HPS3: variants seen among roughly 807,000 people sequenced by gnomAD.
HPS3 encodes the protein HPS3 biogenesis of lysosomal organelles complex 2 subunit 1, also known as BLOC-2 complex member HPS3.
A neutral mutation model predicts 110.9 loss-of-function variants in HPS3; 79 were observed. The observed-to-expected ratio is 0.71, with a 90% CI of 0.59 to 0.86. The LOEUF (loss-of-function observed/expected upper bound fraction) is 0.86. Among genes scored for constraint, HPS3 ranks in the 40% least tolerant of loss-of-function variants. The pLI is 0.00. For missense variants in HPS3, 1,197 were observed against 1,206.2 expected (o/e 0.99, Z 0.11); for synonymous variants, 428 against 451.0 (o/e 0.95, Z 0.65).
intron 7 of HPS3, among the ~76,000 whole-genome samples, chr3:149,154,531 T>C (rs1723319636): frequency 6.6e-6 from 1 of 152,218 alleles, no homozygotes; most frequent in East Asian, 1.9e-4. Flanking sequence ...ATTCTAATAG[T>C]ATAATTTTTT....
At position 149,147,954 on chromosome 3, in the gene HPS3, T is replaced by C. The variant is rs1722875022; in HGVS notation, c.1163+2408T>C. Among the ~76,000 whole-genome samples, 3 of 152,158 alleles carry C rather than the reference T, an allele frequency of 2.0e-5. No homozygotes were observed. In the South Asian group the frequency reaches 6.2e-4, roughly 32 times the overall value. Reference sequence around the variant, plus strand: ...GGCGCGGTCTCAGCTCACTGCAACCTCTGCCTCCCGGGTTTAAGCAATTCT... The same window carrying C: ...GGCGCGGTCTCAGCTCACTGCAACCCCTGCCTCCCGGGTTTAAGCAATTCT... On this transcript the variant is annotated intron_variant, in intron 5 of 16. Transcript: ENST00000296051.
rs747197669 is a variant in HPS3, at chr3:149,162,291, G to C, written c.2250G>C (p.Lys750Asn). Reference sequence around the variant, plus strand: ...TGGCTTCAGTTCTGGGCTTGCAGAAGAACAACAAAATTGGAATTGAAGAAG... The same window carrying C: ...TGGCTTCAGTTCTGGGCTTGCAGAACAACAACAAAATTGGAATTGAAGAAG... ...LLVASVLGLQKNNKIGIEEAD... is the reference protein window; with the variant it reads ...LLVASVLGLQNNNKIGIEEAD... Residue 750 changes from lysine to asparagine, a missense_variant, in exon 12 of 17, where the codon AAG becomes AAC. Transcript: ENST00000296051. 13 of 1,613,842 alleles carry C rather than the reference G, an allele frequency of 8.1e-6. No homozygotes were observed. In the South Asian group the frequency reaches 1.2e-4, roughly 15 times the overall value.
At chr3:149,170,974 C>A (rs554951896) in intron 16 of HPS3, among the ~76,000 whole-genome samples, 118 of 152,070 alleles carry the variant, frequency 7.8e-4, no homozygotes, top group Non-Finnish European at 1.4e-3. Context: ...TGTTACATTC[C>A]TTAATATTTA....
chr3:149,156,429 G>A (rs958729331), intron 8 of HPS3, among the ~76,000 whole-genome samples: 5 of 152,144 alleles, frequency 3.3e-5, no homozygotes, highest in Non-Finnish European at 2.9e-5. Context: ...ATCAGGTAGT[G>A]TGTTTAACTA....
chr3:149,142,503 T>G (rs1722534743), intron 4 of HPS3, among the ~76,000 whole-genome samples: 1 of 152,224 alleles, frequency 6.6e-6, no homozygotes, highest in Non-Finnish European at 1.5e-5. Flanking sequence ...TGGGCATTAG[T>G]ATTTTTTAAA....
At chr3:149,152,045 G>A (rs13094132) in intron 6 of HPS3, among the ~76,000 whole-genome samples, 3,390 of 152,188 alleles carry the variant, frequency 0.022, 55 homozygotes, top group South Asian at 0.036. Flanking sequence ...GCCTGCCTGT[G>A]GTTTTCTGTT....
intron 11 of HPS3, 60 bp from the exon 12 acceptor site, chr3:149,162,088 T>A (rs1299469054): frequency 7.3e-7 from 1 of 1,378,280 alleles, no homozygotes; most frequent in Non-Finnish European, 1.0e-6. Context: ...TTAGTATTTC[T>A]AAAATGGACA....
intron 6 of HPS3, among the ~76,000 whole-genome samples, chr3:149,152,234 T>C (rs1723171598): frequency 6.6e-6 from 1 of 152,244 alleles, no homozygotes; most frequent in South Asian, 2.1e-4. Context: ...TTCCATTCTT[T>C]GTCCTCTTCT....
At position 149,158,839 on chromosome 3, in the gene HPS3, TAAATG is replaced by T. The variant is rs749632423; in HGVS notation, c.1868_1872del (p.Asn623ArgfsTer14). 6.4e-7 allele frequency: 1 copy of T among 1,570,006 alleles called. No homozygotes were observed. The highest frequency in any genetic ancestry group is 2.2e-5 in the East Asian group (1 of 44,672). The stretch of plus-strand genomic sequence containing the variant: ...CTTTATGAAAACCTGGATGAAGAAT[TAAATG>T]AAGTGATTATAGTTTTCTGTTTTCT... On this transcript the variant is annotated frameshift_variant and splice_region_variant, in exon 10 of 17. Transcript: ENST00000296051. LOFTEE classifies it high-confidence loss of function.
At chr3:149,169,038 CGT>C (rs34076994) in intron 16 of HPS3, among the ~76,000 whole-genome samples, 19 of 149,468 alleles carry the variant, frequency 1.3e-4, no homozygotes, top group East Asian at 2.0e-4. Flanking sequence ...TGTGTGCATA[CGT>C]GTGTGTGTGT....
At chr3:149,138,125 A>G (rs774714374) in intron 1 of HPS3, among the ~76,000 whole-genome samples, 62 of 152,260 alleles carry the variant, frequency 4.1e-4, no homozygotes, top group Middle Eastern at 3.4e-3. Flanking sequence ...TAGGCATTCT[A>G]CGATCTCCAG....
rs1352607200 is a variant in HPS3, at chr3:149,173,439, A to G, written c.*1217A>G. On this transcript the variant is annotated 3_prime_UTR_variant, in exon 17 of 17. Transcript: ENST00000296051. Reference sequence around the variant, plus strand: ...TAGATCTTTTTTTAAATGCAGTTTTATAAAACCCTAACAGCGGTGATATCA... The same window carrying G: ...TAGATCTTTTTTTAAATGCAGTTTTGTAAAACCCTAACAGCGGTGATATCA... 4.0e-6 allele frequency: 1 copy of G among 251,562 alleles called. No homozygotes were observed. The highest frequency in any genetic ancestry group is 8.0e-5 in the East Asian group (1 of 12,516). The allele number at this position is 251,562 out of a possible 1,614,324, so 15.6% of individuals were successfully genotyped here.
chr3:149,168,048 T>C (rs965920990), intron 16 of HPS3, 65 bp downstream of exon 16: 24 of 953,706 alleles, frequency 2.5e-5, no homozygotes, highest in Non-Finnish European at 4.1e-5. Flanking sequence ...GGTGAAGCCT[T>C]CTTAAGTATT....
Position 149,129,662 on chromosome 3 carries a change from A to G in HPS3, c.-62A>G. On this transcript the variant is annotated 5_prime_UTR_variant, in exon 1 of 17. Transcript: ENST00000296051. The stretch of plus-strand genomic sequence containing the variant: ...CGGAAGTAGTCCTACATTCGCGGTC[A>G]GCGCGGGGTCTCCGGGCGCCCTGCA... 6 of 1,304,860 alleles carry G rather than the reference A, an allele frequency of 4.6e-6. No individual in the cohort carries two copies. The highest frequency in any genetic ancestry group is 6.1e-6 in the Non-Finnish European group (6 of 980,158). The allele number at this position is 1,304,860 out of a possible 1,614,324, so 80.8% of individuals were successfully genotyped here.
At chr3:149,140,591 G>T (rs1020447828) in intron 2 of HPS3, 93 bp downstream of exon 2, 14 of 1,335,238 alleles carry the variant, frequency 1.0e-5, no homozygotes, top group Middle Eastern at 1.8e-4. Flanking sequence ...TATGGTGCCC[G>T]GCCATGTTAT....
At chr3:149,163,267 G>A (rs1310887101) in intron 13 of HPS3, among the ~76,000 whole-genome samples, 3 of 152,176 alleles carry the variant, frequency 2.0e-5, no homozygotes, top group African/African-American at 4.8e-5. Flanking sequence ...GAAGGCTGTG[G>A]GAGGGAGACT....
At chr3:149,139,027 G>C (rs1306409984) in intron 1 of HPS3, among the ~76,000 whole-genome samples, 1 of 152,114 alleles carries the variant, frequency 6.6e-6, no homozygotes, top group African/African-American at 2.4e-5. Flanking sequence ...AATCTGTACC[G>C]TTAAAATAAA....
chr3:149,144,175 G>A (rs1559911516), intron 4 of HPS3, among the ~76,000 whole-genome samples: 1 of 148,634 alleles, frequency 6.7e-6, no homozygotes, highest in Non-Finnish European at 1.5e-5. Context: ...GGGAGTTCGA[G>A]ACCAGCCTGG....
In HPS3 at chr3:149,172,355, C is replaced by CACACACACACACACACAT. The variant is rs1417486263; in HGVS notation, c.*134_*135insCACACACACACACACATA. 1.6e-6 allele frequency: 1 copy of CACACACACACACACACAT among 618,030 alleles called. No individual in the cohort carries two copies. The highest frequency in any genetic ancestry group is 1.9e-5 in the African/African-American group (1 of 53,612). The allele number at this position is 618,030 out of a possible 1,614,324, so 38.3% of individuals were successfully genotyped here. On this transcript the variant is annotated 3_prime_UTR_variant, in exon 17 of 17. Coordinates refer to ENST00000296051, the MANE Select transcript of HPS3 (RefSeq NM_032383.5). ...ACACACACACACACACACACACACA[C>CACACACACACACACACAT]ATATATGATACAAATGCTTTCAGGC... is the stretch of plus-strand genomic sequence containing the variant.
Sources: allele counts gnomAD v4.1 joint callset (sites outside exome capture counted in the v4.1 genomes callset), GRCh38; gene constraint gnomAD v4.1.1; transcripts MANE v1.5; gene names NCBI Gene and HGNC (gene_info 2026-07-23, HGNC 2026-07-21).